The following SLC26A8 variants were observed in gnomAD, a reference collection of about 807,000 sequenced individuals.
SLC26A8 encodes the protein solute carrier family 26 member 8.
SLC26A8 carries 70 observed loss-of-function variants against 105.0 expected under a neutral mutation model. The observed-to-expected ratio is 0.67, with a 90% confidence interval of 0.55 to 0.81. The LOEUF (loss-of-function observed/expected upper bound fraction) is 0.81, where lower values mean the gene tolerates loss of function less well. SLC26A8 is among the 40% of genes least tolerant of loss of function. The probability of loss-of-function intolerance (pLI) is 0.00; values close to 1 mark genes in which losing one functional copy is unlikely to be tolerated. For missense variants in SLC26A8, 998 were observed against 1,181.8 expected, an observed-to-expected ratio of 0.84 and a Z score of 2.28; for synonymous variants, 415 against 438.3, an observed-to-expected ratio of 0.95 and a Z score of 0.66.
chr6:35,974,230 A>G (rs1353041340), intron 10 of SLC26A8, among the ~76,000 whole-genome samples: 2 of 152,198 alleles, frequency 1.3e-5, no homozygotes, highest in Admixed American at 6.5e-5. Flanking sequence ...AGGCAGGAAA[A>G]TCACTTGAGC....
chr6:35,999,050 A>C (rs2127356109), intron 4 of SLC26A8, among the ~76,000 whole-genome samples: 1 of 151,976 alleles, frequency 6.6e-6, no homozygotes, highest in South Asian at 2.1e-4. Context: ...ACCCGCCACC[A>C]CGCCTAACTA....
chr6:36,009,383 C>CAACAACAACAAA lies in SLC26A8; in HGVS notation c.328+2849_328+2850insTTTGTTGTTGTT, dbSNP rs375466184. Among the ~76,000 whole-genome samples the CAACAACAACAAA allele has an allele frequency of 1.9e-3, 290 of 149,312 alleles. 1 individual carries two copies. The highest frequency in any genetic ancestry group is 6.5e-3 in the African/African-American group (262 of 40,176). On this transcript the variant is annotated intron_variant, in intron 3 of 19. Coordinates refer to ENST00000490799, the MANE Select transcript of SLC26A8 (RefSeq NM_052961.4). ...ACAACAACAACAACAACAACAACAACAAACCTGCACATGAATGTTCATATC... is the reference window on the plus strand; with the variant it reads ...ACAACAACAACAACAACAACAACAACAACAACAACAAAAAACCTGCACATGAATGTTCATATC...
intron 11 of SLC26A8, among the ~76,000 whole-genome samples, chr6:35,965,053 T>C (rs1386432873): frequency 6.6e-6 from 1 of 151,820 alleles, no homozygotes; most frequent in Non-Finnish European, 1.5e-5. Flanking sequence ...TTTCCAAAAA[T>C]GTCAAATGTT....
chr6:35,952,493 A>G (rs1204657568), intron 17 of SLC26A8, among the ~76,000 whole-genome samples: 3 of 152,230 alleles, frequency 2.0e-5, no homozygotes, highest in East Asian at 1.9e-4. Context: ...CGACTTTAAT[A>G]CTTAAGACTA....
At chr6:35,968,651 A>ATATC (rs1554163691) in intron 11 of SLC26A8, among the ~76,000 whole-genome samples, 1 of 98,504 alleles carries the variant, frequency 1.0e-5, no homozygotes, top group East Asian at 2.6e-4. Flanking sequence ...ATATATATAT[A>ATATC]TATCTCACAT....
intron 9 of SLC26A8, 152 bp from the exon 10 acceptor site, chr6:35,975,640 G>A (rs1772980567): frequency 1.7e-6 from 1 of 578,710 alleles, no homozygotes; most frequent in Non-Finnish European, 3.1e-6. Flanking sequence ...AAGGCCGGAT[G>A]AGGTGGCTCA....
chr6:36,001,152 G>A (rs111733096), intron 3 of SLC26A8, among the ~76,000 whole-genome samples: 1,708 of 151,332 alleles, frequency 0.011, 39 homozygotes, highest in African/African-American at 0.034. Context: ...TTTTTGAGAC[G>A]GAGTCTTGCT....
At chr6:36,023,735 A>G (rs149219608) in intron 1 of SLC26A8, among the ~76,000 whole-genome samples, 1,692 of 152,218 alleles carry the variant, frequency 0.011, 22 homozygotes, top group African/African-American at 0.038. Context: ...CGAATTTTCA[A>G]AATAAGCATT....
chr6:35,951,483 T>G lies in SLC26A8; in HGVS notation c.2249A>C (p.Gln750Pro). The G allele has an allele frequency of 1.9e-6, 3 of 1,614,158 alleles. No homozygotes were observed. Among genetic ancestry groups the G allele is most frequent in the Non-Finnish European group, 2.5e-6 (3 of 1,180,018 alleles). ...VVLRQICNAFQNANILILIAG... is the reference protein window; with the variant it reads ...VVLRQICNAFPNANILILIAG... ...AATGAGTATCAAAATGTTGGCGTTT[T>G]GAAAGGCATTGCATATCTGTGGGGG... Residue 750 changes from glutamine (Q) to proline (P), a missense_variant, in exon 18 of 20, where the codon CAA (glutamine) becomes CCA (proline). By Grantham distance (76) the Gln-to-Pro change is moderately conservative. Coordinates refer to ENST00000490799, the MANE Select transcript of SLC26A8 (RefSeq NM_052961.4).
At chr6:35,978,678 C>A (rs960298609) in intron 8 of SLC26A8, among the ~76,000 whole-genome samples, 4 of 152,006 alleles carry the variant, frequency 2.6e-5, no homozygotes, top group Non-Finnish European at 5.9e-5. Context: ...TATATTTCCA[C>A]AAAGCAAATA....
At chr6:36,009,281 G>A (rs1301923560) in intron 3 of SLC26A8, among the ~76,000 whole-genome samples, 3 of 152,092 alleles carry the variant, frequency 2.0e-5, no homozygotes, top group African/African-American at 4.8e-5. Flanking sequence ...AACCCGGGTG[G>A]CAGAGGTTGT....
intron 19 of SLC26A8, among the ~76,000 whole-genome samples, chr6:35,949,112 C>A (rs1771770945): frequency 6.6e-6 from 1 of 152,008 alleles, no homozygotes; most frequent in African/African-American, 2.4e-5. Context: ...TGGCATATAG[C>A]CCAAAATAGT....
At chr6:35,993,778 C>A (rs564573138) in intron 5 of SLC26A8, among the ~76,000 whole-genome samples, 2 of 152,164 alleles carry the variant, frequency 1.3e-5, no homozygotes, top group Non-Finnish European at 2.9e-5. Flanking sequence ...GTAATCTCAG[C>A]ACTTTGGGAG....
intron 7 of SLC26A8, among the ~76,000 whole-genome samples, chr6:35,988,136 C>T (rs1006241924): frequency 1.3e-5 from 2 of 151,970 alleles, no homozygotes; most frequent in African/African-American, 4.8e-5. Context: ...GTCTTGAATT[C>T]CTGACCTCAG....
intron 8 of SLC26A8, among the ~76,000 whole-genome samples, chr6:35,978,709 T>G (rs976778557): frequency 9.2e-5 from 14 of 152,140 alleles, no homozygotes; most frequent in African/African-American, 3.4e-4. Context: ...TAATTAAAAT[T>G]TCTTATTAGT....
At chr6:35,987,911 C>CTT (rs34557500) in intron 7 of SLC26A8, among the ~76,000 whole-genome samples, 110 of 132,040 alleles carry the variant, frequency 8.3e-4, no homozygotes, top group South Asian at 1.5e-3. Context: ...ACCTTTCTTT[C>CTT]TTTTTTTTTT....
At position 35,991,743 on chromosome 6, in the gene SLC26A8, A is replaced by T. The variant is rs1581673488; in HGVS notation, c.858T>A (p.Thr286=). The T allele has an allele frequency of 6.2e-7, 1 of 1,608,658 alleles. No individual in the cohort carries two copies. Among genetic ancestry groups the T allele is most frequent in the East Asian group, 2.2e-5 (1 of 44,534 alleles). The part of the protein sequence containing the change: ...ANSTSILVFL[T]VVVALRINKC... The stretch of plus-strand genomic sequence containing the variant: ...TGTTGATTCGCAGAGCAACAACAAC[A>T]GTTAGAAATACTAGAATGCTGGTGG... The change falls in exon 7 of 20, where the codon ACT becomes ACA. Residue 286 remains threonine, a synonymous_variant. Coordinates refer to ENST00000490799, the MANE Select transcript of SLC26A8 (RefSeq NM_052961.4).
chr6:36,021,254 A>T (rs1349682619), intron 1 of SLC26A8, among the ~76,000 whole-genome samples: 3 of 152,176 alleles, frequency 2.0e-5, no homozygotes, highest in Non-Finnish European at 4.4e-5. Context: ...ATATTACTTA[A>T]GATAATTAGT....
Position 35,975,501 on chromosome 6 carries a change from A to G in SLC26A8, c.1174-13T>C, listed in dbSNP as rs371903763. The G allele has an allele frequency of 6.4e-7, 1 of 1,556,718 alleles. No homozygotes were observed. Among genetic ancestry groups the G allele is most frequent in the Non-Finnish European group, 8.8e-7 (1 of 1,132,626 alleles). ...TGGCTATTAAATCCTGTAAAGAAACAGCAGATGCTTTAGGCCCCCGTTTTT... is the reference window on the plus strand; with the variant it reads ...TGGCTATTAAATCCTGTAAAGAAACGGCAGATGCTTTAGGCCCCCGTTTTT... On this transcript the variant is annotated splice_polypyrimidine_tract_variant and intron_variant, in intron 9 of 19. Coordinates refer to ENST00000490799, the MANE Select transcript of SLC26A8 (RefSeq NM_052961.4).
Sources: allele counts gnomAD v4.1 joint callset (sites outside exome capture counted in the v4.1 genomes callset), GRCh38; gene constraint gnomAD v4.1.1; transcripts MANE v1.5; gene names NCBI Gene and HGNC (gene_info 2026-07-23, HGNC 2026-07-21).